SOX5: variants seen among roughly 807,000 people sequenced by gnomAD.
SOX5 encodes the protein transcription factor SOX-5.
SOX5 carries 9 observed loss-of-function variants against 92.0 expected under a neutral mutation model. That is an observed-to-expected ratio of 0.10 (90% CI 0.06 to 0.17). The LOEUF is 0.17. Ranked by LOEUF, SOX5 falls within the 10% of genes least tolerant of loss-of-function variation. SOX5 has a pLI of 1.00. For missense variants in SOX5, 642 were observed against 944.5 expected (o/e 0.68, Z 4.20); for synonymous variants, 344 against 336.3 (o/e 1.02, Z -0.25).
chr12:24,551,887 T>A (rs1425324848), intron 1 of SOX5, among the ~76,000 whole-genome samples: 1 of 152,250 alleles, frequency 6.6e-6, no homozygotes. Flanking sequence ...TCTCTCCTTC[T>A]GTGTGTTTTT....
chr12:24,118,905 C>A (rs1468628502), intron 4 of SOX5, among the ~76,000 whole-genome samples: 1 of 152,134 alleles, frequency 6.6e-6, no homozygotes. Context: ...AGTGAAAATT[C>A]TCTACAGACT....
chr12:23,938,501 C>G (rs913498240), intron 1 of SOX5, among the ~76,000 whole-genome samples: 2 of 151,104 alleles, frequency 1.3e-5, no homozygotes, highest in Admixed American at 1.3e-4. Context: ...CTTAGATTAA[C>G]AGAAAAATCA....
chr12:24,311,224 T>C (rs1212321246), intron 2 of SOX5, among the ~76,000 whole-genome samples: 1 of 152,182 alleles, frequency 6.6e-6, no homozygotes, highest in African/African-American at 2.4e-5. Context: ...AGTTTATTAC[T>C]CTAAAATCAT....
chr12:24,088,084 A>G (rs980259001), intron 4 of SOX5, among the ~76,000 whole-genome samples: 4 of 152,090 alleles, frequency 2.6e-5, no homozygotes, highest in South Asian at 2.1e-4. Flanking sequence ...CTCTGCTATT[A>G]TATTTTAGAA....
chr12:24,458,510 G>T (rs1173999814), intron 1 of SOX5, among the ~76,000 whole-genome samples: 1 of 152,006 alleles, frequency 6.6e-6, no homozygotes, highest in African/African-American at 2.4e-5. Context: ...CTGATACCCG[G>T]CCACATTCCA....
At chr12:24,385,651 T>C (rs1471457826) in intron 1 of SOX5, among the ~76,000 whole-genome samples, 1 of 151,962 alleles carries the variant, frequency 6.6e-6, no homozygotes, top group African/African-American at 2.4e-5. Flanking sequence ...AAATTTGATG[T>C]TTTATCTTTA....
At chr12:23,975,832 T>G (rs1948829757) in intron 4 of SOX5, among the ~76,000 whole-genome samples, 1 of 152,224 alleles carries the variant, frequency 6.6e-6, no homozygotes, top group South Asian at 2.1e-4. Context: ...GTCAATAGTT[T>G]TATACTCTGT....
intron 3 of SOX5, among the ~76,000 whole-genome samples, chr12:24,231,489 T>C (rs1963388268): frequency 6.6e-6 from 1 of 152,196 alleles, no homozygotes; most frequent in African/African-American, 2.4e-5. Context: ...CAAAAGGAAG[T>C]ATAGGCTAGA....
At chr12:23,818,150 C>T (rs944437779) in intron 3 of SOX5, among the ~76,000 whole-genome samples, 2 of 152,180 alleles carry the variant, frequency 1.3e-5, no homozygotes, top group African/African-American at 4.8e-5. Flanking sequence ...TCATGCATTG[C>T]TTAACGACAA....
At chr12:23,758,487 G>A (rs967479279) in intron 3 of SOX5, among the ~76,000 whole-genome samples, 4 of 151,656 alleles carry the variant, frequency 2.6e-5, no homozygotes, top group Admixed American at 2.0e-4. Flanking sequence ...CAAGGTACCA[G>A]GTCCTTCACA....
chr12:24,067,377 G>A (rs967061629), intron 4 of SOX5, among the ~76,000 whole-genome samples: 1 of 152,000 alleles, frequency 6.6e-6, no homozygotes, highest in African/African-American at 2.4e-5. Flanking sequence ...GTTTGCCCCA[G>A]AAAAATAACA....
In SOX5 at chr12:23,788,679, T is replaced by C. The variant is rs151091904; in HGVS notation, c.482-32955A>G. On this transcript the variant is annotated intron_variant, in intron 3 of 14. Transcript: ENST00000451604. ...TTCTATTTTGTAAGTGAGCTTTTGATAAGAATTTAACGGCAGAGAGTTCAG... is the reference window on the plus strand; with the variant it reads ...TTCTATTTTGTAAGTGAGCTTTTGACAAGAATTTAACGGCAGAGAGTTCAG... Among the ~76,000 whole-genome samples the C allele has an allele frequency of 2.0e-5, 3 of 152,110 alleles. No homozygotes were observed. The East Asian group carries it at 5.8e-4, about 29-fold the overall frequency.
chr12:24,562,037 G>C (rs1419263768), intron 1 of SOX5, among the ~76,000 whole-genome samples: 6 of 152,250 alleles, frequency 3.9e-5, no homozygotes, highest in Non-Finnish European at 2.9e-5. Context: ...TCCGGGTCGG[G>C]GTCCAAGCCG....
intron 2 of SOX5, among the ~76,000 whole-genome samples, chr12:24,340,890 C>T (rs931953914): frequency 2.0e-5 from 3 of 152,162 alleles, no homozygotes; most frequent in African/African-American, 4.8e-5. Flanking sequence ...AAGTGCACAT[C>T]GCCACTGAGG....
At chr12:24,422,721 A>G (rs1234399710) in intron 1 of SOX5, among the ~76,000 whole-genome samples, 1 of 152,254 alleles carries the variant, frequency 6.6e-6, no homozygotes, top group Non-Finnish European at 1.5e-5. Flanking sequence ...ACAATTTAGA[A>G]TATTTTCAAC....
At chr12:23,731,759 T>A (rs2093402586) in intron 6 of SOX5, among the ~76,000 whole-genome samples, 2 of 152,208 alleles carry the variant, frequency 1.3e-5, no homozygotes, top group South Asian at 4.1e-4. Context: ...ACCAAGATAA[T>A]GTCTTTTGTA....
intron 4 of SOX5, among the ~76,000 whole-genome samples, chr12:24,153,494 A>G (rs1272668169): frequency 6.6e-6 from 1 of 152,158 alleles, no homozygotes; most frequent in East Asian, 1.9e-4. Context: ...GCTTTCTAAA[A>G]TAGTTTTCTA....
chr12:24,423,739 C>G (rs182516470), intron 1 of SOX5, among the ~76,000 whole-genome samples: 16 of 152,322 alleles, frequency 1.1e-4, no homozygotes, highest in African/African-American at 3.6e-4. Flanking sequence ...CCACAGGAGC[C>G]TCAAGGGGCA....
intron 9 of SOX5, among the ~76,000 whole-genome samples, chr12:23,584,826 C>T (rs1950504114): frequency 6.6e-6 from 1 of 151,848 alleles, no homozygotes; most frequent in Non-Finnish European, 1.5e-5. Flanking sequence ...AAGGCAGCAC[C>T]CTAGTGTTAC....
Sources: gnomAD v4.1 joint callset for allele counts (sites outside exome capture counted in the v4.1 genomes callset) on GRCh38, gnomAD v4.1.1 for gene constraint, MANE v1.5 for transcripts, NCBI Gene and HGNC (gene_info 2026-07-23, HGNC 2026-07-21) for gene names.